The following GALNTL6 variants were observed in gnomAD, a reference collection of about 807,000 sequenced individuals.
The protein encoded by GALNTL6 is polypeptide N-acetylgalactosaminyltransferase-like 6.
A neutral mutation model predicts 73.7 loss-of-function variants in GALNTL6; 46 were observed. The ratio of observed to expected loss-of-function variants is 0.62; its 90% confidence interval spans 0.49 to 0.80. The LOEUF (loss-of-function observed/expected upper bound fraction) is 0.80. Ranked by LOEUF, GALNTL6 falls within the 30% of genes least tolerant of loss-of-function variation. The pLI, the probability that GALNTL6 is intolerant of heterozygous loss-of-function variation, is 0.00. For synonymous variants in GALNTL6, 259 were observed against 263.7 expected (o/e 0.98, Z 0.17); for missense variants, 604 against 755.0 (o/e 0.80, Z 2.34).
intron 2 of GALNTL6, among the ~76,000 whole-genome samples, chr4:172,197,549 A>C (rs947322335): frequency 6.6e-6 from 1 of 152,100 alleles, no homozygotes; most frequent in African/African-American, 2.4e-5. Context: ...TATACTACAA[A>C]GCTAGTAACC....
At chr4:172,971,945 T>G (rs1451353137) in intron 10 of GALNTL6, among the ~76,000 whole-genome samples, 4 of 152,110 alleles carry the variant, frequency 2.6e-5, no homozygotes, top group African/African-American at 9.7e-5. Context: ...GAGACATACC[T>G]AAGTCAAAAT....
intron 7 of GALNTL6, among the ~76,000 whole-genome samples, chr4:172,862,863 C>T (rs1744468365): frequency 6.6e-6 from 1 of 152,248 alleles, no homozygotes; most frequent in African/African-American, 2.4e-5. Flanking sequence ...CCTCCCATCA[C>T]AGGCCCAGGA....
At chr4:172,871,287 G>T (rs1280670091) in intron 7 of GALNTL6, among the ~76,000 whole-genome samples, 1 of 151,912 alleles carries the variant, frequency 6.6e-6, no homozygotes, top group African/African-American at 2.4e-5. Context: ...ATTCAAACTG[G>T]CCTCCCCACA....
chr4:172,176,966 A>G (rs1735022487), intron 2 of GALNTL6, among the ~76,000 whole-genome samples: 1 of 152,098 alleles, frequency 6.6e-6, no homozygotes. Context: ...TCTATTTCTT[A>G]TCTCAATCTG....
At chr4:172,321,776 G>A (rs536358817) in intron 4 of GALNTL6, among the ~76,000 whole-genome samples, 1 of 152,252 alleles carries the variant, frequency 6.6e-6, no homozygotes, top group South Asian at 2.1e-4. Flanking sequence ...AAGCAGGGCA[G>A]GAGAGGGTCC....
intron 5 of GALNTL6, among the ~76,000 whole-genome samples, chr4:172,530,643 G>C (rs1269443429): frequency 1.3e-5 from 2 of 152,120 alleles, no homozygotes; most frequent in African/African-American, 4.8e-5. Context: ...TTGATTATAA[G>C]CATCAGTAGT....
In GALNTL6 at chr4:172,102,648, C is replaced by A. The variant is rs146164058; in HGVS notation, c.139-127008C>A. On this transcript the variant is annotated intron_variant, in intron 2 of 12. Transcript: ENST00000506823. Reference sequence around the variant, plus strand: ...CTGAGCTGCCATGTGTCAGCTAAAGCAACAAGAGGCCAACATGAGAGTAAA... The same window carrying A: ...CTGAGCTGCCATGTGTCAGCTAAAGAAACAAGAGGCCAACATGAGAGTAAA... Among the ~76,000 whole-genome samples, 662 of 152,302 alleles carry A rather than the reference C, an allele frequency of 4.3e-3. 4 individuals are homozygous for A. Among genetic ancestry groups the A allele is most frequent in the Non-Finnish European group, 7.4e-3 (501 of 68,034 alleles).
chr4:172,322,087 CTG>C (rs1740779923), intron 4 of GALNTL6, among the ~76,000 whole-genome samples: 1 of 152,142 alleles, frequency 6.6e-6, no homozygotes, highest in South Asian at 2.1e-4. Flanking sequence ...AGTAAACACA[CTG>C]CACGCAGACA....
chr4:172,798,262 C>A (rs747299354), intron 5 of GALNTL6, among the ~76,000 whole-genome samples: 11 of 152,318 alleles, frequency 7.2e-5, no homozygotes, highest in Non-Finnish European at 1.2e-4. Flanking sequence ...TCTGGGTCCC[C>A]ACCCAAATCT....
intron 5 of GALNTL6, among the ~76,000 whole-genome samples, chr4:172,470,445 T>C (rs886790418): frequency 2.0e-5 from 3 of 152,178 alleles, no homozygotes; most frequent in Admixed American, 6.5e-5. Flanking sequence ...GCCATAGATA[T>C]TGAACATACC....
chr4:172,576,297 G>A lies in GALNTL6; in HGVS notation c.553+227608G>A, dbSNP rs28716994. 7.3e-3 allele frequency among the ~76,000 whole-genome samples: 1,118 copies of A among 152,240 alleles called. 16 individuals carry two copies. Among genetic ancestry groups the A allele is most frequent in the African/African-American group, 0.026 (1,068 of 41,522 alleles). On this transcript the variant is annotated intron_variant, in intron 5 of 12. Coordinates refer to ENST00000506823, the MANE Select transcript of GALNTL6 (RefSeq NM_001034845.3). ...GTATTCATCTACACAGGGACAATCC[G>A]CTTCTGGTTACCTTACAGTCCTCTG...
At chr4:172,297,542 A>T (rs1739731192) in intron 3 of GALNTL6, among the ~76,000 whole-genome samples, 1 of 152,198 alleles carries the variant, frequency 6.6e-6, no homozygotes, top group Non-Finnish European at 1.5e-5. Flanking sequence ...ATAAGGTGTA[A>T]GGAAGGGATC....
intron 8 of GALNTL6, among the ~76,000 whole-genome samples, chr4:172,895,606 G>A (rs1305496575): frequency 6.6e-6 from 1 of 151,892 alleles, no homozygotes; most frequent in Non-Finnish European, 1.5e-5. Flanking sequence ...TCTTGTTTGG[G>A]TTGAATAAAA....
intron 7 of GALNTL6, among the ~76,000 whole-genome samples, chr4:172,877,295 AT>A (rs1745240501): frequency 6.6e-6 from 1 of 152,158 alleles, no homozygotes; most frequent in African/African-American, 2.4e-5. Context: ...AGCCAGAGAA[AT>A]TTTTAATTAA....
chr4:172,346,751 A>T (rs1414012831), intron 4 of GALNTL6, among the ~76,000 whole-genome samples: 1 of 152,152 alleles, frequency 6.6e-6, no homozygotes, highest in Non-Finnish European at 1.5e-5. Context: ...TTACTGTGAC[A>T]TGAGTGAATG....
intron 10 of GALNTL6, among the ~76,000 whole-genome samples, chr4:172,987,201 G>C (rs561030481): frequency 6.6e-6 from 1 of 152,160 alleles, no homozygotes. Flanking sequence ...ATTTATAAAG[G>C]AAAAAGGTTT....
intron 11 of GALNTL6, among the ~76,000 whole-genome samples, chr4:173,011,886 T>G (rs1274986886): frequency 6.6e-6 from 1 of 152,174 alleles, no homozygotes; most frequent in Non-Finnish European, 1.5e-5. Context: ...AAAATTGCCT[T>G]TGCTCTCTTT....
rs76931622 is a variant in GALNTL6, at chr4:172,839,658, A to G, written c.923+25935A>G. Among the ~76,000 whole-genome samples the G allele has an allele frequency of 7.6e-3, 1,151 of 152,342 alleles. 14 individuals carry two copies. Among genetic ancestry groups the G allele is most frequent in the African/African-American group, 0.027 (1,110 of 41,576 alleles). ...TCTTTCTACAATACAGAATTGATAT[A>G]TCTTCAGTCCTTACAGGAGATGAGT... On this transcript the variant is annotated intron_variant, in intron 7 of 12. Transcript: ENST00000506823.
At chr4:172,456,685 A>G (rs560053585) in intron 5 of GALNTL6, among the ~76,000 whole-genome samples, 63 of 151,954 alleles carry the variant, frequency 4.1e-4, no homozygotes, top group Admixed American at 7.9e-4. Flanking sequence ...AAAGCCTCCA[A>G]GAAATATGGG....
Sources: gnomAD v4.1 joint callset for allele counts (sites outside exome capture counted in the v4.1 genomes callset) on GRCh38, gnomAD v4.1.1 for gene constraint, MANE v1.5 for transcripts, NCBI Gene and HGNC (gene_info 2026-07-23, HGNC 2026-07-21) for gene names.